RBMS3: variants seen among roughly 807,000 people sequenced by gnomAD.
RBMS3 encodes the protein RNA binding motif single stranded interacting protein 3.
In RBMS3, 27 loss-of-function variants were observed where a neutral mutation model predicts 66.8. The ratio of observed to expected loss-of-function variants is 0.40; its 90% CI spans 0.30 to 0.56. The LOEUF (loss-of-function observed/expected upper bound fraction) is 0.56, where lower values mean the gene tolerates loss of function less well. Ranked by LOEUF, RBMS3 falls within the 20% of genes least tolerant of loss-of-function variation. The probability of loss-of-function intolerance (pLI) is 0.40; values close to 1 mark genes in which losing one functional copy is unlikely to be tolerated. For missense variants in RBMS3, 513 were observed against 549.5 expected (o/e 0.93, Z 0.66); for synonymous variants, 188 against 183.0 (o/e 1.03, Z -0.22).
chr3:29,882,352 G>A (rs73055708), intron 7 of RBMS3, among the ~76,000 whole-genome samples: 1,737 of 152,086 alleles, frequency 0.011, 12 homozygotes, highest in Middle Eastern at 0.031. Flanking sequence ...TTCTGCTGTC[G>A]TATTCTATTC....
chr3:29,331,813 T>G (rs986950124), intron 1 of RBMS3, among the ~76,000 whole-genome samples: 2 of 116,272 alleles, frequency 1.7e-5, no homozygotes, highest in Admixed American at 1.1e-4. Context: ...CCAGGATAGC[T>G]CCTTTTTTTT....
At chr3:29,737,585 C>T (rs1034962533) in intron 4 of RBMS3, among the ~76,000 whole-genome samples, 1 of 151,832 alleles carries the variant, frequency 6.6e-6, no homozygotes. Flanking sequence ...ACTTTTGGAG[C>T]GACAATGTGA....
intron 7 of RBMS3, among the ~76,000 whole-genome samples, chr3:29,869,728 A>G (rs1333802749): frequency 6.6e-6 from 1 of 152,154 alleles, no homozygotes; most frequent in Non-Finnish European, 1.5e-5. Context: ...TCTTTTCATT[A>G]TTTGTGAAAT....
At chr3:29,879,402 A>G (rs940910982) in intron 7 of RBMS3, among the ~76,000 whole-genome samples, 3 of 152,184 alleles carry the variant, frequency 2.0e-5, no homozygotes, top group African/African-American at 4.8e-5. Flanking sequence ...TAACAAGTGA[A>G]CAGTTGTAAA....
At chr3:29,434,994 T>G in intron 2 of RBMS3, 79 bp downstream of exon 2, 2 of 1,405,542 alleles carry the variant, frequency 1.4e-6, no homozygotes, top group Non-Finnish European at 1.9e-6. Flanking sequence ...TTTCAGTCAA[T>G]GTACTCATCC....
At chr3:29,629,516 A>C (rs1189055356) in intron 4 of RBMS3, among the ~76,000 whole-genome samples, 1 of 152,124 alleles carries the variant, frequency 6.6e-6, no homozygotes, top group Non-Finnish European at 1.5e-5. Flanking sequence ...AGACTGCTAA[A>C]ATTGGTAAAA....
At chr3:29,405,899 A>G (rs1458211426) in intron 1 of RBMS3, among the ~76,000 whole-genome samples, 1 of 152,186 alleles carries the variant, frequency 6.6e-6, no homozygotes, top group Non-Finnish European at 1.5e-5. Context: ...TAAGAGGTGT[A>G]TTGGATTGGA....
At chr3:29,652,122 G>T (rs1007809973) in intron 4 of RBMS3, among the ~76,000 whole-genome samples, 11 of 152,022 alleles carry the variant, frequency 7.2e-5, no homozygotes, top group Admixed American at 6.6e-4. Flanking sequence ...CTTTCATCCC[G>T]AACAATTTAG....
At chr3:29,435,447 T>C (rs1373904647) in intron 2 of RBMS3, among the ~76,000 whole-genome samples, 1 of 152,202 alleles carries the variant, frequency 6.6e-6, no homozygotes, top group Non-Finnish European at 1.5e-5. Flanking sequence ...CCAGTGAAGC[T>C]ATCTCCCACC....
intron 3 of RBMS3, among the ~76,000 whole-genome samples, chr3:29,511,142 A>AG (rs2044388653): frequency 7.1e-6 from 1 of 141,778 alleles, no homozygotes; most frequent in African/African-American, 3.1e-5. Flanking sequence ...CTAAAAATAC[A>AG]AAAAATTAGT....
At chr3:29,787,469 TG>T (rs1159844745) in intron 6 of RBMS3, among the ~76,000 whole-genome samples, 1 of 150,078 alleles carries the variant, frequency 6.7e-6, no homozygotes, top group East Asian at 2.0e-4. Flanking sequence ...AAAGAAAATG[TG>T]GTATATATAC....
At chr3:29,649,022 A>G (rs1039063066) in intron 4 of RBMS3, among the ~76,000 whole-genome samples, 1 of 152,322 alleles carries the variant, frequency 6.6e-6, no homozygotes, top group Non-Finnish European at 1.5e-5. Context: ...TAACATGGTA[A>G]CTTTGTCCTC....
At chr3:29,619,191 G>A (rs1026866415) in intron 4 of RBMS3, among the ~76,000 whole-genome samples, 5 of 150,710 alleles carry the variant, frequency 3.3e-5, no homozygotes, top group Admixed American at 3.3e-4. Context: ...TAGATGAAGG[G>A]TCAATAGGTG....
At chr3:29,679,444 A>G (rs2051393069) in intron 4 of RBMS3, among the ~76,000 whole-genome samples, 1 of 152,160 alleles carries the variant, frequency 6.6e-6, no homozygotes, top group Admixed American at 6.5e-5. Context: ...AATGAATTTA[A>G]AATGTTTAAA....
At chr3:29,928,117 T>C (rs1026721262) in intron 10 of RBMS3, among the ~76,000 whole-genome samples, 2 of 149,802 alleles carry the variant, frequency 1.3e-5, no homozygotes, top group African/African-American at 4.9e-5. Context: ...TTTAACACTG[T>C]TTCCCTTATA....
At chr3:29,393,693 G>A (rs1037828736) in intron 1 of RBMS3, among the ~76,000 whole-genome samples, 17 of 151,950 alleles carry the variant, frequency 1.1e-4, no homozygotes, top group African/African-American at 3.9e-4. Context: ...CCTAAGTGTC[G>A]ACCCTAAGTG....
At chr3:29,948,195 T>C (rs73829209) in intron 12 of RBMS3, among the ~76,000 whole-genome samples, 1 of 151,740 alleles carries the variant, frequency 6.6e-6, no homozygotes. Context: ...AAATGTCTGA[T>C]TTCTAACCAT....
intron 3 of RBMS3, among the ~76,000 whole-genome samples, chr3:29,532,269 T>TATATAC (rs1271545533): frequency 2.9e-5 from 4 of 139,828 alleles, no homozygotes; most frequent in African/African-American, 1.0e-4. Context: ...TATGTATATA[T>TATATAC]ATATATATAT....
At position 29,762,917 on chromosome 3, in the gene RBMS3, TCTA is replaced by T; in HGVS notation, c.568_570del (p.Thr190del). 1 of 1,605,422 alleles carries T rather than the reference TCTA, an allele frequency of 6.2e-7. No homozygotes were observed. The highest frequency in any genetic ancestry group is 8.5e-7 in the Non-Finnish European group (1 of 1,174,566). ...TTTACCTTTTTTTCCCAGAATGGAGTCTACTGAAAAATGTGAAGTGGTAATTCA... is the reference window on the plus strand; with the variant it reads ...TTTACCTTTTTTTCCCAGAATGGAGTCTGAAAAATGTGAAGTGGTAATTCA... On this transcript the variant is annotated inframe_deletion, in exon 6 of 15. Coordinates refer to ENST00000383767, the MANE Select transcript of RBMS3 (RefSeq NM_001003793.3).
Sources: gnomAD v4.1 joint callset for allele counts (sites outside exome capture counted in the v4.1 genomes callset) on GRCh38, gnomAD v4.1.1 for gene constraint, MANE v1.5 for transcripts, NCBI Gene and HGNC (gene_info 2026-07-23, HGNC 2026-07-21) for gene names.